The following DCAF8L2 variants were observed in gnomAD, a reference collection of about 807,000 sequenced individuals.
DCAF8L2 encodes the protein DDB1 and CUL4 associated factor 8 like 2.
For missense variants in DCAF8L2, 430 were observed against 490.7 expected (o/e 0.88, Z 1.17); for synonymous variants, 200 against 190.9 (o/e 1.05, Z -0.39).
intron 4 of DCAF8L2, among the ~76,000 whole-genome samples, chrX:27,733,707 A>G (rs1042405192): frequency 3.6e-5 from 4 of 111,232 alleles, no homozygotes; most frequent in Admixed American, 1.9e-4. Flanking sequence ...ATTTTTGTGT[A>G]TAGTATAAGA....
the DCAF8L2 span, among the ~76,000 whole-genome samples, chrX:27,478,147 C>G: frequency 3.6e-5 from 4 of 112,088 alleles, no homozygotes; most frequent in East Asian, 8.4e-4. Flanking sequence ...ATTGTTAACT[C>G]TATACCTCCA....
At chrX:27,542,337 T>A in the DCAF8L2 span, among the ~76,000 whole-genome samples, 1 of 111,041 alleles carries the variant, frequency 9.0e-6, no homozygotes, top group East Asian at 2.9e-4. Context: ...AAGCCTTCCC[T>A]TTTCTCTGCA....
chrX:27,741,255 T>A (rs1000938280), intron 4 of DCAF8L2, among the ~76,000 whole-genome samples: 2 of 111,273 alleles, frequency 1.8e-5, no homozygotes, highest in Non-Finnish European at 3.8e-5. Flanking sequence ...TAAGATTTCC[T>A]GATATAATTT....
intron 3 of DCAF8L2, among the ~76,000 whole-genome samples, chrX:27,697,557 A>G (rs1322351959): frequency 1.8e-5 from 2 of 111,637 alleles, no homozygotes; most frequent in Non-Finnish European, 3.8e-5. Context: ...ATTCAACAGA[A>G]ACCCAACAAA....
At chrX:27,620,485 A>G (rs986289797) in intron 1 of DCAF8L2, among the ~76,000 whole-genome samples, 6 of 112,270 alleles carry the variant, frequency 5.3e-5, no homozygotes, top group Middle Eastern at 4.6e-3. Flanking sequence ...CTGATGAAAG[A>G]TAATGTGAAG....
rs1420181923 is a variant in DCAF8L2, at chrX:27,671,521, A to G, written c.-219-6315A>G. 1.2e-4 allele frequency among the ~76,000 whole-genome samples: 13 copies of G among 111,943 alleles called. No individual in the cohort carries two copies. The Admixed American group carries it at 1.2e-3, about 11-fold the overall frequency. On this transcript the variant is annotated intron_variant, in intron 2 of 4. Coordinates refer to ENST00000451261, the MANE Select transcript of DCAF8L2 (RefSeq NM_001353450.2). ...TTAAAGGGGAAGCGCTCTTGAATAC[A>G]CAAAAAGAATCAATTTCTAAATATT...
intron 4 of DCAF8L2, among the ~76,000 whole-genome samples, chrX:27,746,535 T>C (rs1466350637): frequency 9.0e-6 from 1 of 111,678 alleles, no homozygotes. Flanking sequence ...TTGCTCATGG[T>C]TCTCTAATAA....
At chrX:27,746,025 A>G (rs1366129239) in intron 4 of DCAF8L2, among the ~76,000 whole-genome samples, 1 of 111,923 alleles carries the variant, frequency 8.9e-6, no homozygotes, top group East Asian at 2.8e-4. Flanking sequence ...TACTACTTCT[A>G]TCTCAAATAG....
At chrX:27,631,199 T>A (rs1355691339) in intron 1 of DCAF8L2, among the ~76,000 whole-genome samples, 2 of 111,778 alleles carry the variant, frequency 1.8e-5, no homozygotes, top group East Asian at 5.6e-4. Flanking sequence ...TTAACATTAT[T>A]TCATGATAAA....
At position 27,742,179 on chromosome X, in the gene DCAF8L2, C is replaced by T. The variant is rs142804000; in HGVS notation, c.-58-4659C>T. On this transcript the variant is annotated intron_variant, in intron 4 of 4. Transcript: ENST00000451261. ...TTTTTACTCAACTAGAGAAATCTCT[C>T]TAAGAGGATCTTTAGGCACACATTG... 8.5e-3 allele frequency among the ~76,000 whole-genome samples: 948 copies of T among 111,528 alleles called. 7 individuals carry two copies. The highest frequency in any genetic ancestry group is 0.014 in the Non-Finnish European group (736 of 53,137).
the DCAF8L2 span, among the ~76,000 whole-genome samples, chrX:27,542,636 G>A: frequency 3.3e-3 from 321 of 95,853 alleles, 1 homozygote; most frequent in African/African-American, 0.011. Context: ...TCCGCCTCCC[G>A]GGTTCACGCC....
At chrX:27,643,235 AGTT>A (rs1928809730) in intron 2 of DCAF8L2, among the ~76,000 whole-genome samples, 1 of 112,129 alleles carries the variant, frequency 8.9e-6, no homozygotes, top group African/African-American at 3.2e-5. Flanking sequence ...CCTAGCCAAC[AGTT>A]GTTATCTTTT....
At chrX:27,497,556 CTTTCT>C in the DCAF8L2 span, among the ~76,000 whole-genome samples, 3 of 86,888 alleles carry the variant, frequency 3.5e-5, no homozygotes, top group African/African-American at 1.6e-4. Flanking sequence ...TTCCTTCTTT[CTTTCT>C]TTCTTTCTTT....
the DCAF8L2 span, among the ~76,000 whole-genome samples, chrX:27,487,849 G>T: frequency 9.0e-6 from 1 of 111,304 alleles, no homozygotes; most frequent in Admixed American, 9.6e-5. Flanking sequence ...GGCATTTCAT[G>T]CAATTTCTAT....
intron 1 of DCAF8L2, among the ~76,000 whole-genome samples, chrX:27,621,856 C>T (rs182366067): frequency 3.6e-5 from 4 of 109,790 alleles, no homozygotes; most frequent in East Asian, 2.9e-4. Flanking sequence ...TAGCCAGATG[C>T]GGTGTCAGAT....
At chrX:27,487,195 C>T in the DCAF8L2 span, among the ~76,000 whole-genome samples, 1 of 112,204 alleles carries the variant, frequency 8.9e-6, no homozygotes, top group African/African-American at 3.2e-5. Flanking sequence ...TAATTTTACA[C>T]CAGTTATTCT....
intron 4 of DCAF8L2, among the ~76,000 whole-genome samples, chrX:27,730,495 G>A (rs1172394456): frequency 9.0e-6 from 1 of 110,699 alleles, no homozygotes; most frequent in Non-Finnish European, 1.9e-5. Context: ...TCAGCTCACT[G>A]CAACCTCTGC....
chrX:27,502,338 ATATAT>A, the DCAF8L2 span, among the ~76,000 whole-genome samples: 101 of 27,526 alleles, frequency 3.7e-3, no homozygotes, highest in African/African-American at 5.9e-3. Context: ...AAAAAAAAAT[ATATAT>A]ATATATATAT....
chrX:27,547,881 CTCTCTCTCTT>C, the DCAF8L2 span, among the ~76,000 whole-genome samples: 79 of 60,476 alleles, frequency 1.3e-3, 2 homozygotes, highest in Non-Finnish European at 1.5e-3. Flanking sequence ...TTCTCTCTCT[CTCTCTCTCTT>C]TCTCTCTCTC....
Sources: allele counts gnomAD v4.1 joint callset (sites outside exome capture counted in the v4.1 genomes callset), GRCh38; gene constraint gnomAD v4.1.1; transcripts MANE v1.5; gene names NCBI Gene and HGNC (gene_info 2026-07-23, HGNC 2026-07-21).